PTPRD: variants seen among roughly 807,000 people sequenced by gnomAD.
PTPRD encodes the protein protein tyrosine phosphatase receptor type D.
A neutral mutation model predicts 214.5 loss-of-function variants in PTPRD; 34 were observed. The observed-to-expected ratio is 0.16, with a 90% CI of 0.12 to 0.21. PTPRD has a LOEUF of 0.21. Ranked by LOEUF, PTPRD falls within the 10% of genes least tolerant of loss-of-function variation. PTPRD has a pLI of 1.00. For synonymous variants in PTPRD, 1,128 were observed against 845.7 expected (o/e 1.33, Z -5.79); for missense variants, 2,545 against 2,398.7 (o/e 1.06, Z -1.27).
At chr9:10,451,507 C>T (rs1475265941) in intron 2 of PTPRD, among the ~76,000 whole-genome samples, 1 of 151,576 alleles carries the variant, frequency 6.6e-6, no homozygotes, top group Non-Finnish European at 1.5e-5. Context: ...CTACTTCCCG[C>T]TTGTCTGATC....
chr9:8,449,934 G>A lies in PTPRD; in HGVS notation c.3876-97C>T, dbSNP rs78769677. The stretch of plus-strand genomic sequence containing the variant: ...CACCTGCACTCCCCCCACCTCCCAA[G>A]TTTTCAGTTTTACAACTTTTCAACC... On this transcript the variant is annotated intron_variant, in intron 33 of 45. Coordinates refer to ENST00000381196, the MANE Select transcript of PTPRD (RefSeq NM_002839.4). 1,998 of 1,206,468 alleles carry A rather than the reference G, an allele frequency of 1.7e-3. 30 individuals are homozygous for A. In the East Asian group the frequency reaches 0.041, roughly 25 times the overall value. 74.7% of individuals were successfully genotyped at this position (1,206,468 alleles called of 1,614,324 possible). A position where few individuals can be genotyped will look rare whatever the true frequency, so the allele number is the denominator to read the frequency against.
intron 4 of PTPRD, among the ~76,000 whole-genome samples, chr9:10,026,962 T>A (rs1288861396): frequency 6.6e-6 from 1 of 151,846 alleles, no homozygotes; most frequent in Admixed American, 6.6e-5. Context: ...CTCCAATCGA[T>A]TTTAACATCC....
At chr9:9,942,587 AAACT>A (rs1443160045) in intron 4 of PTPRD, among the ~76,000 whole-genome samples, 1 of 152,070 alleles carries the variant, frequency 6.6e-6, no homozygotes, top group Non-Finnish European at 1.5e-5. Context: ...CTTGAGAATC[AAACT>A]AATTTGTGCT....
rs549211112 is a variant in PTPRD at position 10,160,600 on chromosome 9, G to A, written c.-544-126810C>T. Reference sequence around the variant, plus strand: ...CCTCATGAAAATAAAGGCTATGTAAGCCAAGCCCACAGCTAACCATTATAC... The same window carrying A: ...CCTCATGAAAATAAAGGCTATGTAAACCAAGCCCACAGCTAACCATTATAC... On this transcript the variant is annotated intron_variant, in intron 3 of 45. Transcript: ENST00000381196. 8.5e-4 allele frequency among the ~76,000 whole-genome samples: 129 copies of A among 151,928 alleles called. 1 individual carries two copies. The highest frequency in any genetic ancestry group is 2.8e-3 in the African/African-American group (115 of 41,530).
At chr9:9,859,045 T>C (rs1365115016) in intron 5 of PTPRD, among the ~76,000 whole-genome samples, 1 of 152,144 alleles carries the variant, frequency 6.6e-6, no homozygotes, top group African/African-American at 2.4e-5. Context: ...GAGGGCAGTT[T>C]TCCTCATGCT....
chr9:10,070,564 A>T (rs1198040158), intron 3 of PTPRD, among the ~76,000 whole-genome samples: 1 of 152,140 alleles, frequency 6.6e-6, no homozygotes, highest in Non-Finnish European at 1.5e-5. Flanking sequence ...ACAACATTAT[A>T]TTTGAATAAA....
intron 36 of PTPRD, among the ~76,000 whole-genome samples, chr9:8,395,300 G>A (rs923804113): frequency 6.6e-6 from 1 of 152,036 alleles, no homozygotes; most frequent in Non-Finnish European, 1.5e-5. Context: ...TGTTAATATA[G>A]GTTAAGACCT....
chr9:9,919,504 G>T (rs537296637), intron 5 of PTPRD, among the ~76,000 whole-genome samples: 3 of 152,108 alleles, frequency 2.0e-5, no homozygotes, highest in African/African-American at 7.2e-5. Context: ...TGCCGCATTC[G>T]GATAATTATT....
chr9:10,236,936 T>C (rs2099630995), intron 3 of PTPRD, among the ~76,000 whole-genome samples: 1 of 151,850 alleles, frequency 6.6e-6, no homozygotes, highest in Non-Finnish European at 1.5e-5. Context: ...GTGGGGGGGC[T>C]GAAAAGATGA....
intron 3 of PTPRD, among the ~76,000 whole-genome samples, chr9:10,062,606 C>G (rs1214291787): frequency 2.0e-5 from 3 of 151,956 alleles, no homozygotes; most frequent in African/African-American, 7.2e-5. Context: ...AACTCAGTCT[C>G]AAGAAAATAA....
chr9:8,429,282 G>A (rs2094893306), intron 35 of PTPRD, among the ~76,000 whole-genome samples: 1 of 152,096 alleles, frequency 6.6e-6, no homozygotes, highest in South Asian at 2.1e-4. Flanking sequence ...AGATGAATTT[G>A]TGACCTGGTT....
chr9:9,933,335 C>G (rs1459563292), intron 5 of PTPRD, among the ~76,000 whole-genome samples: 9 of 151,938 alleles, frequency 5.9e-5, no homozygotes, highest in Non-Finnish European at 1.3e-4. Context: ...GGAAACCCAT[C>G]TCACATGCAG....
chr9:10,477,546 G>A (rs2099070996), intron 2 of PTPRD, among the ~76,000 whole-genome samples: 1 of 152,168 alleles, frequency 6.6e-6, no homozygotes, highest in South Asian at 2.1e-4. Context: ...GAGTAAATTA[G>A]TTCGACCATT....
intron 9 of PTPRD, among the ~76,000 whole-genome samples, chr9:9,389,389 A>C (rs2065025677): frequency 6.6e-6 from 1 of 152,108 alleles, no homozygotes; most frequent in African/African-American, 2.4e-5. Context: ...ACATGCCTGT[A>C]ATCCCAGCTA....
intron 30 of PTPRD, among the ~76,000 whole-genome samples, chr9:8,477,323 G>C (rs2096785212): frequency 6.6e-6 from 1 of 152,052 alleles, no homozygotes; most frequent in Non-Finnish European, 1.5e-5. Flanking sequence ...TACTTATAAA[G>C]TAAGCTGTGT....
chr9:10,015,550 T>C (rs1033110975), intron 4 of PTPRD, among the ~76,000 whole-genome samples: 1 of 152,164 alleles, frequency 6.6e-6, no homozygotes, highest in South Asian at 2.1e-4. Flanking sequence ...GTTAGTATTT[T>C]ATAGGATACT....
At chr9:8,956,498 C>G (rs571412238) in intron 11 of PTPRD, among the ~76,000 whole-genome samples, 3 of 151,666 alleles carry the variant, frequency 2.0e-5, no homozygotes, top group South Asian at 2.1e-4. Flanking sequence ...AATGAACAAT[C>G]CTTTGAGTGA....
chr9:10,579,782 G>T (rs1173500665), intron 2 of PTPRD, among the ~76,000 whole-genome samples: 2 of 151,956 alleles, frequency 1.3e-5, no homozygotes, highest in Non-Finnish European at 1.5e-5. Context: ...AATATTTTTT[G>T]ATATTTTTAA....
chr9:8,371,247 G>A (rs1423555615), intron 39 of PTPRD, among the ~76,000 whole-genome samples: 1 of 151,944 alleles, frequency 6.6e-6, no homozygotes, highest in Non-Finnish European at 1.5e-5. Flanking sequence ...AGTCTCTAAG[G>A]TGAAAACACA....
Sources: gnomAD v4.1 joint callset for allele counts (sites outside exome capture counted in the v4.1 genomes callset) on GRCh38, gnomAD v4.1.1 for gene constraint, MANE v1.5 for transcripts, NCBI Gene and HGNC (gene_info 2026-07-23, HGNC 2026-07-21) for gene names.